The following GALNT13 variants were observed in gnomAD, a reference collection of about 807,000 sequenced individuals.
GALNT13 encodes the protein UDP-GalNAc:polypeptide N-acetylgalactosaminyltransferase 13.
Under a neutral mutation model 64.2 loss-of-function variants are expected in GALNT13, and 28 were observed. The observed-to-expected ratio is 0.44, with a 90% CI of 0.32 to 0.60. The LOEUF is 0.60. Ranked by LOEUF, GALNT13 falls within the 20% of genes least tolerant of loss-of-function variation. GALNT13 has a pLI of 0.05. For synonymous variants in GALNT13, 214 were observed against 224.6 expected, an observed-to-expected ratio of 0.95 and a Z score of 0.42; for missense variants, 577 against 669.8, an observed-to-expected ratio of 0.86 and a Z score of 1.53.
the GALNT13 span, among the ~76,000 whole-genome samples, chr2:153,088,049 T>C: frequency 6.6e-6 from 1 of 152,090 alleles, no homozygotes; most frequent in Non-Finnish European, 1.5e-5. Flanking sequence ...TTTTTTGAGG[T>C]GTAACCTTAG....
At chr2:154,416,595 T>C (rs1326378150) in intron 11 of GALNT13, among the ~76,000 whole-genome samples, 3 of 152,218 alleles carry the variant, frequency 2.0e-5, no homozygotes, top group Non-Finnish European at 4.4e-5. Flanking sequence ...CTAGGTAGTA[T>C]ATGACTAAGG....
At chr2:154,295,206 G>A (rs1692846941) in intron 8 of GALNT13, among the ~76,000 whole-genome samples, 1 of 152,118 alleles carries the variant, frequency 6.6e-6, no homozygotes, top group Non-Finnish European at 1.5e-5. Flanking sequence ...TCTGAATTTA[G>A]TGGAGTACAG....
At chr2:154,322,481 A>G (rs1349363053) in intron 9 of GALNT13, among the ~76,000 whole-genome samples, 1 of 150,944 alleles carries the variant, frequency 6.6e-6, no homozygotes, top group Non-Finnish European at 1.5e-5. Flanking sequence ...CAGAGACTAA[A>G]AGGACAATTG....
chr2:154,405,150 G>A (rs533804224), intron 10 of GALNT13, among the ~76,000 whole-genome samples: 400 of 152,096 alleles, frequency 2.6e-3, no homozygotes, highest in African/African-American at 8.9e-3. Context: ...TGCTCTAAAT[G>A]ATAGAATATA....
At chr2:154,351,775 A>G (rs1696425287) in intron 9 of GALNT13, among the ~76,000 whole-genome samples, 1 of 148,800 alleles carries the variant, frequency 6.7e-6, no homozygotes, top group Non-Finnish European at 1.5e-5. Flanking sequence ...TAAATTTTGT[A>G]TAAGACCATA....
At chr2:154,041,818 T>G (rs1453267935) in intron 3 of GALNT13, among the ~76,000 whole-genome samples, 2 of 140,368 alleles carry the variant, frequency 1.4e-5, no homozygotes, top group African/African-American at 4.9e-5. Context: ...AGTATAGATT[T>G]TACTGCTCTA....
At chr2:154,276,763 T>G (rs1691671838) in intron 8 of GALNT13, among the ~76,000 whole-genome samples, 1 of 152,130 alleles carries the variant, frequency 6.6e-6, no homozygotes, top group African/African-American at 2.4e-5. Flanking sequence ...GGGAGGCAAT[T>G]TAATCATGGG....
rs148552729 is a variant in GALNT13 at position 154,363,308 on chromosome 2, T to G, written c.1157-32683T>G. Reference sequence around the variant, plus strand: ...TTCTCAAGCCTTGGCTTGCTTCCAGTCTTTTCAGAACAGTATTCTGAATTA... The same window carrying G: ...TTCTCAAGCCTTGGCTTGCTTCCAGGCTTTTCAGAACAGTATTCTGAATTA... On this transcript the variant is annotated intron_variant, in intron 9 of 12. Coordinates refer to ENST00000392825, the MANE Select transcript of GALNT13 (RefSeq NM_052917.4). Among the ~76,000 whole-genome samples the G allele has an allele frequency of 2.8e-3, 423 of 152,330 alleles. 3 individuals carry two copies. Among genetic ancestry groups the G allele is most frequent in the African/African-American group, 9.4e-3 (390 of 41,588 alleles).
intron 1 of GALNT13, among the ~76,000 whole-genome samples, chr2:153,876,357 C>G (rs1040733861): frequency 6.6e-6 from 1 of 152,104 alleles, no homozygotes; most frequent in African/African-American, 2.4e-5. Context: ...CAATTTCTAT[C>G]AAGGCACATT....
At chr2:153,548,357 A>G in the GALNT13 span, among the ~76,000 whole-genome samples, 3 of 152,192 alleles carry the variant, frequency 2.0e-5, no homozygotes, top group African/African-American at 4.8e-5. Flanking sequence ...ATTAAGCAAA[A>G]TGTGTGTCTC....
the GALNT13 span, among the ~76,000 whole-genome samples, chr2:153,686,575 G>A: frequency 2.0e-5 from 3 of 152,018 alleles, no homozygotes; most frequent in Admixed American, 2.0e-4. Flanking sequence ...ATAGGAACAC[G>A]TTGTCCACAA....
the GALNT13 span, among the ~76,000 whole-genome samples, chr2:153,470,340 C>A: frequency 6.6e-6 from 1 of 152,110 alleles, no homozygotes; most frequent in South Asian, 2.1e-4. Context: ...GTTCTCTCTC[C>A]TCTCACCAGA....
At position 154,246,185 on chromosome 2, in the gene GALNT13, G is replaced by A. The variant is rs758334959; in HGVS notation, c.857+203G>A. ...TTAGTATAGGCAAACTTAAGTATTG[G>A]CAAAAATGCTAAATATCTTTTGAAA... On this transcript the variant is annotated intron_variant, in intron 7 of 12. Coordinates refer to ENST00000392825, the MANE Select transcript of GALNT13 (RefSeq NM_052917.4). 4.6e-5 allele frequency among the ~76,000 whole-genome samples: 7 copies of A among 151,910 alleles called. No individual in the cohort carries two copies. The South Asian group carries it at 8.3e-4, about 18-fold the overall frequency.
chr2:154,155,183 A>G (rs1684334931), intron 4 of GALNT13, among the ~76,000 whole-genome samples: 1 of 152,086 alleles, frequency 6.6e-6, no homozygotes, highest in East Asian at 1.9e-4. Context: ...TTCAATTAAT[A>G]TTCTCACTTC....
the GALNT13 span, among the ~76,000 whole-genome samples, chr2:153,648,334 T>C: frequency 6.6e-6 from 1 of 152,216 alleles, no homozygotes; most frequent in Non-Finnish European, 1.5e-5. Flanking sequence ...GAGACTTTGC[T>C]GAAGTTGCTT....
intron 4 of GALNT13, among the ~76,000 whole-genome samples, chr2:154,197,643 CAGAAG>C (rs1044390418): frequency 1.3e-5 from 2 of 151,298 alleles, no homozygotes; most frequent in African/African-American, 4.9e-5. Flanking sequence ...TTAAAGAACT[CAGAAG>C]AGAACATAAG....
At chr2:154,211,850 A>T (rs761083000) in intron 4 of GALNT13, among the ~76,000 whole-genome samples, 1 of 152,012 alleles carries the variant, frequency 6.6e-6, no homozygotes, top group Non-Finnish European at 1.5e-5. Flanking sequence ...CAGAAATTCA[A>T]TATTAGCCTT....
chr2:153,751,992 C>T, the GALNT13 span, among the ~76,000 whole-genome samples: 1 of 151,152 alleles, frequency 6.6e-6, no homozygotes, highest in Non-Finnish European at 1.5e-5. Context: ...TTTGTGTATT[C>T]ATTGTATGTT....
the GALNT13 span, among the ~76,000 whole-genome samples, chr2:153,287,317 G>T: frequency 6.6e-6 from 1 of 152,082 alleles, no homozygotes; most frequent in Non-Finnish European, 1.5e-5. Flanking sequence ...CGGTGGGCGT[G>T]TGTTACCATG....
Sources: allele counts gnomAD v4.1 joint callset (sites outside exome capture counted in the v4.1 genomes callset), GRCh38; gene constraint gnomAD v4.1.1; transcripts MANE v1.5; gene names NCBI Gene and HGNC (gene_info 2026-07-23, HGNC 2026-07-21).